JAZF1: variants seen among roughly 807,000 people sequenced by gnomAD.
JAZF1 encodes the protein JAZF zinc finger 1.
A neutral mutation model predicts 26.4 loss-of-function variants in JAZF1; 8 were observed. The ratio of observed to expected loss-of-function variants is 0.30; its 90% CI spans 0.18 to 0.55. The LOEUF (loss-of-function observed/expected upper bound fraction) is 0.55, where lower values mean the gene tolerates loss of function less well. Among genes scored for constraint, JAZF1 ranks in the 20% least tolerant of loss-of-function variants. The probability of loss-of-function intolerance (pLI) is 0.94; values close to 1 mark genes in which losing one functional copy is unlikely to be tolerated. For synonymous variants in JAZF1, 126 were observed against 122.3 expected (o/e 1.03, Z -0.20); for missense variants, 199 against 322.0 (o/e 0.62, Z 2.92).
In JAZF1 at chr7:27,832,729, GA is replaced by G; in HGVS notation, c.*70del. On this transcript the variant is annotated 3_prime_UTR_variant, in exon 5 of 5. Coordinates refer to ENST00000283928, the MANE Select transcript of JAZF1 (RefSeq NM_175061.4). ...TAAAGGGTTGCTGAATGCTTCCCCT[GA>G]AAAAAGGTGGCTGTTTTCAAAATCA... The G allele has an allele frequency of 5.4e-6, 7 of 1,287,090 alleles. No homozygotes were observed. The highest frequency in any genetic ancestry group is 2.7e-5 in the Admixed American group (1 of 37,178). 79.7% of individuals were successfully genotyped at this position (1,287,090 alleles called of 1,614,324 possible).
At chr7:28,134,270 C>G (rs1782843794) in intron 1 of JAZF1, among the ~76,000 whole-genome samples, 1 of 151,960 alleles carries the variant, frequency 6.6e-6, no homozygotes, top group African/African-American at 2.4e-5. Context: ...GTTCTAATAG[C>G]CCAAGTTGGG....
intron 1 of JAZF1, chr7:28,118,193 TTGCATA>T (rs1784777862): frequency 6.6e-6 from 1 of 152,200 alleles, no homozygotes; most frequent in Admixed American, 6.5e-5. Context: ...TTTCCTATTT[TTGCATA>T]TGTGCTGCCA....
chr7:27,954,151 CCTT>C (rs1785051150), intron 2 of JAZF1, among the ~76,000 whole-genome samples: 1 of 152,180 alleles, frequency 6.6e-6, no homozygotes. Flanking sequence ...CATCATTTGT[CCTT>C]CTGTAGTAGC....
At chr7:27,908,633 C>CA (rs1415705130) in intron 2 of JAZF1, among the ~76,000 whole-genome samples, 3 of 152,006 alleles carry the variant, frequency 2.0e-5, no homozygotes, top group Non-Finnish European at 2.9e-5. Context: ...GCCAGTTTTC[C>CA]AAAAAAACAG....
intron 1 of JAZF1, among the ~76,000 whole-genome samples, chr7:28,129,024 T>G (rs1782746999): frequency 6.6e-6 from 1 of 152,048 alleles, no homozygotes; most frequent in Non-Finnish European, 1.5e-5. Flanking sequence ...TGAGAATCAC[T>G]GGGTTCTCTG....
Position 28,026,651 on chromosome 7 carries a change from G to A in JAZF1, c.116-34670C>T, listed in dbSNP as rs1038554753. Among the ~76,000 whole-genome samples, 3 of 152,140 alleles carry A rather than the reference G, an allele frequency of 2.0e-5. No homozygotes were observed. In the East Asian group the frequency reaches 5.8e-4, roughly 29 times the overall value. ...TGCAGGTATCATTTGTGTAACTAAG[G>A]TACCATGCAAAGGCTATATTTTCAT... On this transcript the variant is annotated intron_variant, in intron 1 of 4. Coordinates refer to ENST00000283928, the MANE Select transcript of JAZF1 (RefSeq NM_175061.4).
chr7:27,894,162 C>T (rs1185872052), intron 3 of JAZF1, among the ~76,000 whole-genome samples: 1 of 152,160 alleles, frequency 6.6e-6, no homozygotes, highest in Non-Finnish European at 1.5e-5. Context: ...CTCCTGAGGT[C>T]AGGGCAGGGG....
intron 1 of JAZF1, among the ~76,000 whole-genome samples, chr7:28,053,267 T>C (rs961445801): frequency 2.6e-5 from 4 of 152,318 alleles, no homozygotes; most frequent in South Asian, 2.1e-4. Flanking sequence ...TTGTAAATAA[T>C]AGCGTAAATA....
intron 2 of JAZF1, among the ~76,000 whole-genome samples, chr7:27,987,221 C>T (rs111951006): frequency 0.23 from 35,069 of 151,500 alleles, 4,435 homozygotes; most frequent in East Asian, 0.48. Flanking sequence ...AGCGTCTCTG[C>T]CTGGCCGCCC....
chr7:28,168,721 A>G (rs1271373451), intron 1 of JAZF1, among the ~76,000 whole-genome samples: 1 of 152,236 alleles, frequency 6.6e-6, no homozygotes, highest in Admixed American at 6.5e-5. Context: ...AACTTGCTGT[A>G]TATTAAAGGC....
At chr7:28,145,495 T>C (rs886339609) in intron 1 of JAZF1, among the ~76,000 whole-genome samples, 2 of 152,188 alleles carry the variant, frequency 1.3e-5, no homozygotes, top group African/African-American at 4.8e-5. Flanking sequence ...TTTTTAAATA[T>C]TTAGCACCAT....
At chr7:28,146,426 G>A (rs1783028702) in intron 1 of JAZF1, among the ~76,000 whole-genome samples, 1 of 152,218 alleles carries the variant, frequency 6.6e-6, no homozygotes, top group African/African-American at 2.4e-5. Context: ...GATTCAGGGT[G>A]TTCTGGTGTA....
intron 1 of JAZF1, among the ~76,000 whole-genome samples, chr7:28,108,022 C>T (rs1432671253): frequency 6.6e-6 from 1 of 152,144 alleles, no homozygotes; most frequent in African/African-American, 2.4e-5. Context: ...TCCCAGAGGC[C>T]CACTGATCAG....
At chr7:28,025,825 C>T (rs541685268) in intron 1 of JAZF1, among the ~76,000 whole-genome samples, 1 of 152,332 alleles carries the variant, frequency 6.6e-6, no homozygotes, top group South Asian at 2.1e-4. Context: ...CTTACAGGTT[C>T]ATGAGAGCTA....
intron 1 of JAZF1, among the ~76,000 whole-genome samples, chr7:28,066,684 C>T (rs1337732955): frequency 1.3e-5 from 2 of 151,398 alleles, no homozygotes; most frequent in Non-Finnish European, 2.9e-5. Flanking sequence ...GATCCTCAAC[C>T]AGAGTACTGC....
chr7:28,101,180 T>C (rs544393754), intron 1 of JAZF1, among the ~76,000 whole-genome samples: 33 of 152,332 alleles, frequency 2.2e-4, no homozygotes, highest in Non-Finnish European at 2.5e-4. Context: ...TTTATCCTCA[T>C]CGTGCCACAT....
At chr7:28,015,542 T>C (rs964924234) in intron 1 of JAZF1, among the ~76,000 whole-genome samples, 8 of 152,230 alleles carry the variant, frequency 5.3e-5, no homozygotes, top group South Asian at 2.1e-4. Context: ...CTGAGATACA[T>C]GTTAAAGCAA....
chr7:27,982,979 A>G (rs1455033625), intron 2 of JAZF1, among the ~76,000 whole-genome samples: 1 of 152,210 alleles, frequency 6.6e-6, no homozygotes, highest in African/African-American at 2.4e-5. Context: ...ATAAAACCAC[A>G]AAGATGGGGA....
intron 2 of JAZF1, among the ~76,000 whole-genome samples, chr7:27,952,230 G>T (rs1431653188): frequency 6.6e-6 from 1 of 152,230 alleles, no homozygotes; most frequent in Non-Finnish European, 1.5e-5. Flanking sequence ...CAAGGTAGAG[G>T]CTGCACCTAG....
Sources: gnomAD v4.1 joint callset for allele counts (sites outside exome capture counted in the v4.1 genomes callset) on GRCh38, gnomAD v4.1.1 for gene constraint, MANE v1.5 for transcripts, NCBI Gene and HGNC (gene_info 2026-07-23, HGNC 2026-07-21) for gene names.